The following DAB1 variants were observed in gnomAD, a reference collection of about 807,000 sequenced individuals.
DAB1 encodes the protein disabled homolog 1.
Under a neutral mutation model 64.6 loss-of-function variants are expected in DAB1, and 15 were observed. The ratio of observed to expected loss-of-function variants is 0.23; its 90% CI spans 0.16 to 0.36. DAB1 has a LOEUF of 0.36. Among genes scored for constraint, DAB1 ranks in the 10% least tolerant of loss-of-function variants. The pLI is 1.00. For synonymous variants in DAB1, 235 were observed against 251.9 expected (o/e 0.93, Z 0.64); for missense variants, 596 against 706.7 (o/e 0.84, Z 1.78).
chr1:57,409,937 C>T (rs1683974498), intron 1 of DAB1, among the ~76,000 whole-genome samples: 2 of 152,218 alleles, frequency 1.3e-5, no homozygotes, highest in African/African-American at 4.8e-5. Context: ...CTCTCAACTA[C>T]TCTCAAAAAC....
intron 4 of DAB1, among the ~76,000 whole-genome samples, chr1:58,314,797 T>C (rs935947182): frequency 6.6e-6 from 1 of 152,210 alleles, no homozygotes; most frequent in Non-Finnish European, 1.5e-5. Context: ...CTCCAATGTT[T>C]AAGAGTGTCT....
intron 7 of DAB1, among the ~76,000 whole-genome samples, chr1:57,490,660 C>A (rs1357829829): frequency 6.6e-6 from 1 of 152,168 alleles, no homozygotes; most frequent in Non-Finnish European, 1.5e-5. Context: ...ACAGAACTCA[C>A]AAAGTTTCTG....
At chr1:58,086,353 T>C (rs1287534808) in intron 5 of DAB1, among the ~76,000 whole-genome samples, 1 of 152,136 alleles carries the variant, frequency 6.6e-6, no homozygotes, top group Non-Finnish European at 1.5e-5. Flanking sequence ...CATACACACA[T>C]TGTTGTTTAA....
At chr1:57,781,418 A>G (rs530361149) in intron 6 of DAB1, among the ~76,000 whole-genome samples, 80 of 151,980 alleles carry the variant, frequency 5.3e-4, no homozygotes, top group African/African-American at 1.5e-3. Context: ...CATGGAGGTA[A>G]GAGGCAAACC....
intron 5 of DAB1, among the ~76,000 whole-genome samples, chr1:57,937,401 C>T (rs779029859): frequency 6.6e-6 from 1 of 152,090 alleles, no homozygotes; most frequent in Non-Finnish European, 1.5e-5. Context: ...CCAAACTATG[C>T]TCATGAGAGA....
chr1:58,525,165 A>G (rs7544032), intron 2 of DAB1, among the ~76,000 whole-genome samples: 88,663 of 152,092 alleles, frequency 0.58, 28,049 homozygotes, highest in East Asian at 0.82. Flanking sequence ...AAAAATTATA[A>G]AAGACTAATA....
At chr1:58,242,671 C>G (rs947620172) in intron 4 of DAB1, among the ~76,000 whole-genome samples, 1 of 151,956 alleles carries the variant, frequency 6.6e-6, no homozygotes, top group African/African-American at 2.4e-5. Context: ...GTGATAAAAA[C>G]AACCAATGTC....
chr1:57,688,797 A>C (rs1646730193), intron 6 of DAB1, among the ~76,000 whole-genome samples: 1 of 152,216 alleles, frequency 6.6e-6, no homozygotes, highest in African/African-American at 2.4e-5. Context: ...CCTGTTCCTA[A>C]GTGAATTAAC....
At chr1:57,537,311 C>T (rs536088641) in intron 7 of DAB1, among the ~76,000 whole-genome samples, 2 of 152,224 alleles carry the variant, frequency 1.3e-5, no homozygotes, top group Non-Finnish European at 2.9e-5. Flanking sequence ...TCTCCATTCT[C>T]TGGAAATTCT....
At chr1:58,136,954 C>T (rs901182935) in intron 5 of DAB1, among the ~76,000 whole-genome samples, 1 of 151,842 alleles carries the variant, frequency 6.6e-6, no homozygotes. Context: ...ATTGTAGAGA[C>T]AAATAAAGAA....
chr1:57,164,462 C>T (rs1057134884), intron 2 of DAB1, among the ~76,000 whole-genome samples: 2 of 152,110 alleles, frequency 1.3e-5, no homozygotes, highest in African/African-American at 4.8e-5. Context: ...AGCAATAGAA[C>T]CACAGTGACC....
At chr1:57,460,314 C>A (rs981133194) in intron 7 of DAB1, among the ~76,000 whole-genome samples, 1 of 152,086 alleles carries the variant, frequency 6.6e-6, no homozygotes, top group Non-Finnish European at 1.5e-5. Flanking sequence ...TCCATAGGTG[C>A]CTTTGCTCTT....
chr1:57,551,285 A>G (rs979406412), intron 7 of DAB1, among the ~76,000 whole-genome samples: 1 of 152,214 alleles, frequency 6.6e-6, no homozygotes. Context: ...TTCTTATCCC[A>G]TTAAATAGAT....
intron 2 of DAB1, among the ~76,000 whole-genome samples, chr1:57,200,475 C>T (rs1383566045): frequency 6.6e-6 from 1 of 152,092 alleles, no homozygotes; most frequent in East Asian, 1.9e-4. Context: ...ATAGTGGTTA[C>T]GAGCATGTAG....
intron 9 of DAB1, among the ~76,000 whole-genome samples, chr1:57,051,160 T>A (rs1203748794): frequency 6.6e-6 from 1 of 152,222 alleles, no homozygotes; most frequent in Non-Finnish European, 1.5e-5. Context: ...AAAGCTCATC[T>A]AAGAAACATC....
chr1:57,166,772 T>A (rs935798206), intron 2 of DAB1, among the ~76,000 whole-genome samples: 1 of 152,180 alleles, frequency 6.6e-6, no homozygotes, highest in Non-Finnish European at 1.5e-5. Context: ...TGCACAGTAG[T>A]GACTATGCCA....
intron 4 of DAB1, among the ~76,000 whole-genome samples, chr1:58,211,938 G>C (rs1658571793): frequency 6.6e-6 from 1 of 152,120 alleles, no homozygotes; most frequent in African/African-American, 2.4e-5. Flanking sequence ...AATACAGGGA[G>C]TGCACAATCC....
intron 4 of DAB1, among the ~76,000 whole-genome samples, chr1:57,124,644 G>A (rs1656968188): frequency 6.6e-6 from 1 of 152,114 alleles, no homozygotes; most frequent in African/African-American, 2.4e-5. Flanking sequence ...GTAATTTCTT[G>A]CAGATTTGCA....
At chr1:58,149,944 A>G (rs945954495) in intron 5 of DAB1, among the ~76,000 whole-genome samples, 4 of 152,238 alleles carry the variant, frequency 2.6e-5, no homozygotes, top group African/African-American at 9.6e-5. Flanking sequence ...TTCAGCCACA[A>G]AGAAAGGTTT....
Sources: allele counts gnomAD v4.1 joint callset (sites outside exome capture counted in the v4.1 genomes callset), GRCh38; gene constraint gnomAD v4.1.1; transcripts MANE v1.5; gene names NCBI Gene and HGNC (gene_info 2026-07-23, HGNC 2026-07-21).